Variants in KANSL3 observed in about 807,000 individuals in gnomAD.
The protein encoded by KANSL3 is NSL complex protein NSL3.
Under a neutral mutation model 89.2 loss-of-function variants are expected in KANSL3, and 16 were observed. The ratio of observed to expected loss-of-function variants is 0.18; its 90% CI spans 0.12 to 0.27. The LOEUF (loss-of-function observed/expected upper bound fraction) is 0.27, where lower values mean the gene tolerates loss of function less well. Ranked by LOEUF, KANSL3 falls within the 10% of genes least tolerant of loss-of-function variation. KANSL3 has a pLI of 1.00. For missense variants in KANSL3, 879 were observed against 1,110.6 expected (o/e 0.79, Z 2.96); for synonymous variants, 385 against 419.7 (o/e 0.92, Z 1.01).
At position 96,610,897 on chromosome 2, in the gene KANSL3, A is replaced by G. The variant is rs1427463329; in HGVS notation, c.1162-14T>C. Reference sequence around the variant, plus strand: ...ATCATCTACATCCTAAAACAGGTATAGGTTTTAGAATCGGCTTCTTCATAT... The same window carrying G: ...ATCATCTACATCCTAAAACAGGTATGGGTTTTAGAATCGGCTTCTTCATAT... On this transcript the variant is annotated splice_polypyrimidine_tract_variant and intron_variant, in intron 10 of 20. Transcript: ENST00000431828. 1.2e-6 allele frequency: 2 copies of G among 1,611,150 alleles called. No homozygotes were observed. The highest frequency in any genetic ancestry group is 2.2e-5 in the South Asian group (2 of 91,058).
At chr2:96,607,401 A>G (rs1408112930) in intron 14 of KANSL3, among the ~76,000 whole-genome samples, 2 of 152,138 alleles carry the variant, frequency 1.3e-5, no homozygotes, top group Non-Finnish European at 2.9e-5. Flanking sequence ...ATGACACCCT[A>G]GATCCCCATT....
intron 5 of KANSL3, among the ~76,000 whole-genome samples, chr2:96,617,206 C>A (rs2070326896): frequency 6.6e-6 from 1 of 152,176 alleles, no homozygotes; most frequent in Non-Finnish European, 1.5e-5. Flanking sequence ...AAGTCTGGGA[C>A]TCCCTTTTCA....
At chr2:96,600,624 T>A in intron 20 of KANSL3, 3 of 985,426 alleles carry the variant, frequency 3.0e-6, no homozygotes, top group Non-Finnish European at 3.6e-6. Context: ...CTTGGCTGTA[T>A]AGCGGATACT....
intron 3 of KANSL3, among the ~76,000 whole-genome samples, chr2:96,630,153 A>C (rs1375360636): frequency 6.6e-6 from 1 of 152,232 alleles, no homozygotes; most frequent in Non-Finnish European, 1.5e-5. Context: ...CATATGACCC[A>C]ACAAGTCCAC....
intron 3 of KANSL3, among the ~76,000 whole-genome samples, chr2:96,623,967 G>A (rs1434989359): frequency 6.6e-6 from 1 of 152,190 alleles, no homozygotes; most frequent in Non-Finnish European, 1.5e-5. Flanking sequence ...CCCTTTTGGG[G>A]GTACTAGAAG....
the KANSL3 span, among the ~76,000 whole-genome samples, chr2:96,583,407 A>G: frequency 6.6e-6 from 1 of 152,182 alleles, no homozygotes; most frequent in African/African-American, 2.4e-5. Context: ...CCCCCGACGG[A>G]AAAAGTCTCT....
chr2:96,605,192 T>A (rs2067794099), intron 15 of KANSL3, 128 bp downstream of exon 15: 1 of 807,960 alleles, frequency 1.2e-6, no homozygotes, highest in Non-Finnish European at 1.9e-6. Flanking sequence ...TACAGACTCA[T>A]GTCTTCTTTG....
rs1170595922 is a variant in KANSL3 at position 96,619,620 on chromosome 2, G to T, written c.477+52C>A. ...AGCAGGGGGACAAGTCAGTCAGCCA[G>T]TGAGGCCTGAACTACGAAGAGCCCA... On this transcript the variant is annotated intron_variant, in intron 4 of 20. Coordinates refer to ENST00000431828, the MANE Select transcript of KANSL3 (RefSeq NM_001115016.3). 14 of 1,601,670 alleles carry T rather than the reference G, an allele frequency of 8.7e-6. No homozygotes were observed. In the East Asian group the frequency reaches 1.6e-4, roughly 18 times the overall value.
chr2:96,595,598 T>C lies in KANSL3; in HGVS notation c.*13A>G. The C allele has an allele frequency of 1.9e-6, 3 of 1,613,664 alleles. No homozygotes were observed. Among genetic ancestry groups the C allele is most frequent in the East Asian group, 2.2e-5 (1 of 44,880 alleles). ...TCACCAACTTGGTAAGGAGGACATA[T>C]CACACAGCATCTTCAGGGTGCTGGA... On this transcript the variant is annotated 3_prime_UTR_variant, in exon 21 of 21. Coordinates refer to ENST00000431828, the MANE Select transcript of KANSL3 (RefSeq NM_001115016.3).
At chr2:96,626,650 T>C (rs2072383240) in intron 3 of KANSL3, among the ~76,000 whole-genome samples, 1 of 152,190 alleles carries the variant, frequency 6.6e-6, no homozygotes, top group Non-Finnish European at 1.5e-5. Context: ...TTATTAAATG[T>C]CTTTCAAAAG....
At chr2:96,587,603 C>T in the KANSL3 span, among the ~76,000 whole-genome samples, 29 of 152,160 alleles carry the variant, frequency 1.9e-4, no homozygotes, top group Non-Finnish European at 1.5e-4. Flanking sequence ...CTCAAAATGT[C>T]CCAGTTTCAT....
intron 5 of KANSL3, among the ~76,000 whole-genome samples, chr2:96,617,764 G>A (rs1384310586): frequency 1.3e-5 from 2 of 151,920 alleles, no homozygotes; most frequent in Admixed American, 6.6e-5. Context: ...TTGGGAGGCC[G>A]AGGCGGGCGG....
chr2:96,583,100 T>G, the KANSL3 span, among the ~76,000 whole-genome samples: 1 of 152,226 alleles, frequency 6.6e-6, no homozygotes, highest in African/African-American at 2.4e-5. Flanking sequence ...GAGTTTTAGC[T>G]GCTCTGCATG....
chr2:96,606,889 T>G (rs2068063401), intron 14 of KANSL3: 2 of 738,428 alleles, frequency 2.7e-6, no homozygotes, highest in Non-Finnish European at 4.0e-6. Flanking sequence ...CTGAGGCAGA[T>G]GAGAGGCAGA....
At chr2:96,617,935 A>C (rs1195760003) in intron 5 of KANSL3, among the ~76,000 whole-genome samples, 3 of 150,534 alleles carry the variant, frequency 2.0e-5, no homozygotes, top group Non-Finnish European at 4.4e-5. Context: ...GTGAGCCGAG[A>C]TCGTGCCACT....
At chr2:96,617,914 CAG>C (rs753767975) in intron 5 of KANSL3, among the ~76,000 whole-genome samples, 3 of 148,354 alleles carry the variant, frequency 2.0e-5, no homozygotes, top group Non-Finnish European at 4.4e-5. Context: ...ACCCAGGAGG[CAG>C]AAGTTGCAGT....
chr2:96,610,112 T>C (rs916012274), intron 11 of KANSL3, among the ~76,000 whole-genome samples: 1 of 151,860 alleles, frequency 6.6e-6, no homozygotes, highest in African/African-American at 2.4e-5. Flanking sequence ...GGGAAACAAC[T>C]GATGAAACAT....
intron 1 of KANSL3, 187 bp downstream of exon 1, chr2:96,638,096 G>C (rs1426760069): frequency 6.6e-6 from 1 of 152,174 alleles, no homozygotes; most frequent in Non-Finnish European, 1.5e-5. Context: ...CGGAGGCCCA[G>C]ACGCGGCCCC....
the KANSL3 span, among the ~76,000 whole-genome samples, chr2:96,587,941 G>C: frequency 1.3e-5 from 2 of 152,052 alleles, no homozygotes; most frequent in Admixed American, 1.3e-4. Context: ...CTTGAAGACA[G>C]AACAACAGAC....
Sources: allele counts gnomAD v4.1 joint callset (sites outside exome capture counted in the v4.1 genomes callset), GRCh38; gene constraint gnomAD v4.1.1; transcripts MANE v1.5; gene names NCBI Gene and HGNC (gene_info 2026-07-23, HGNC 2026-07-21).